CTNND2: variants seen among roughly 807,000 people sequenced by gnomAD.
CTNND2 encodes catenin delta-2.
In CTNND2, 22 loss-of-function variants were observed where a neutral mutation model predicts 144.4. The observed-to-expected ratio is 0.15, with a 90% CI of 0.11 to 0.22. CTNND2 has a LOEUF of 0.22. Among genes scored for constraint, CTNND2 ranks in the 10% least tolerant of loss-of-function variants. CTNND2 has a pLI of 1.00. For missense variants in CTNND2, 1,353 were observed against 1,618.8 expected (o/e 0.84, Z 2.82); for synonymous variants, 751 against 695.6 (o/e 1.08, Z -1.25).
At chr5:11,445,150 C>T (rs1322883929) in intron 3 of CTNND2, among the ~76,000 whole-genome samples, 1 of 152,128 alleles carries the variant, frequency 6.6e-6, no homozygotes. Context: ...ACAGGAGGAT[C>T]TTTCCTTTTC....
intron 9 of CTNND2, among the ~76,000 whole-genome samples, chr5:11,276,930 C>T (rs910007287): frequency 5.3e-5 from 8 of 152,160 alleles, no homozygotes; most frequent in South Asian, 4.1e-4. Context: ...TTTCCAAGGG[C>T]GTGGGCCTGC....
intron 11 of CTNND2, among the ~76,000 whole-genome samples, chr5:11,172,467 T>C (rs949895217): frequency 2.0e-5 from 3 of 152,190 alleles, no homozygotes; most frequent in Admixed American, 2.0e-4. Context: ...CTTCTTTGGG[T>C]CCAGAACTGT....
intron 11 of CTNND2, among the ~76,000 whole-genome samples, chr5:11,184,314 C>A (rs1735400320): frequency 6.6e-6 from 1 of 152,122 alleles, no homozygotes; most frequent in South Asian, 2.1e-4. Flanking sequence ...ATCTGGAAAC[C>A]AGATAAGAGC....
chr5:11,766,873 A>G (rs1024814904), intron 1 of CTNND2, among the ~76,000 whole-genome samples: 1 of 152,204 alleles, frequency 6.6e-6, no homozygotes, highest in African/African-American at 2.4e-5. Context: ...TTTCTAAGTC[A>G]GAAATGTTCA....
At chr5:11,630,411 G>A (rs1781356917) in intron 2 of CTNND2, among the ~76,000 whole-genome samples, 1 of 152,128 alleles carries the variant, frequency 6.6e-6, no homozygotes, top group South Asian at 2.1e-4. Context: ...CTGCAACCAG[G>A]GGTGCAGGTG....
chr5:11,787,982 A>C (rs778791631), intron 1 of CTNND2, among the ~76,000 whole-genome samples: 1 of 152,222 alleles, frequency 6.6e-6, no homozygotes, highest in Non-Finnish European at 1.5e-5. Context: ...GCTCCCTATA[A>C]GTTTACTGCT....
chr5:11,235,422 C>T (rs749164990), intron 10 of CTNND2, among the ~76,000 whole-genome samples: 16 of 152,100 alleles, frequency 1.1e-4, no homozygotes, highest in Non-Finnish European at 1.6e-4. Flanking sequence ...ACAGGAGTCA[C>T]GTAACTTTAA....
At chr5:11,750,374 G>A (rs1031021939) in intron 1 of CTNND2, among the ~76,000 whole-genome samples, 3 of 151,892 alleles carry the variant, frequency 2.0e-5, no homozygotes, top group Admixed American at 1.3e-4. Flanking sequence ...ATGTGGAAGA[G>A]GAGGTTTCAT....
rs1236215592 is a variant in CTNND2 at position 11,691,840 on chromosome 5, A to C, written c.174+40296T>G. 2.6e-5 allele frequency among the ~76,000 whole-genome samples: 4 copies of C among 152,356 alleles called. No individual in the cohort carries two copies. In the East Asian group the frequency reaches 7.7e-4, roughly 29 times the overall value. On this transcript the variant is annotated intron_variant, in intron 2 of 21. Coordinates refer to ENST00000304623, the MANE Select transcript of CTNND2 (RefSeq NM_001332.4). ...CAGGAGTTACAGGCTGCAGTAAGCT[A>C]TGATTGCACCGCTGCACTTCAGTCT...
chr5:11,328,263 T>C (rs1752736258), intron 9 of CTNND2, among the ~76,000 whole-genome samples: 2 of 152,208 alleles, frequency 1.3e-5, no homozygotes, highest in South Asian at 4.2e-4. Flanking sequence ...GAACTGCATG[T>C]TAAATTTTAA....
At chr5:11,285,436 C>A (rs258634) in intron 9 of CTNND2, among the ~76,000 whole-genome samples, 99,483 of 152,052 alleles carry the variant, frequency 0.65, 34,169 homozygotes, top group African/African-American at 0.88. Context: ...GTTCCTGAAA[C>A]AGAGCAGAAG....
At chr5:11,533,432 G>C (rs954105907) in intron 3 of CTNND2, among the ~76,000 whole-genome samples, 1 of 152,174 alleles carries the variant, frequency 6.6e-6, no homozygotes, top group Non-Finnish European at 1.5e-5. Flanking sequence ...AATGTTCCCC[G>C]GGCTGGCTTC....
At chr5:11,845,845 T>C (rs1202725160) in intron 1 of CTNND2, among the ~76,000 whole-genome samples, 1 of 152,196 alleles carries the variant, frequency 6.6e-6, no homozygotes, top group African/African-American at 2.4e-5. Flanking sequence ...AGCACTATAC[T>C]TAATGTTTGA....
intron 3 of CTNND2, among the ~76,000 whole-genome samples, chr5:11,552,000 C>T (rs77368339): frequency 0.035 from 5,258 of 152,140 alleles, 317 homozygotes; most frequent in African/African-American, 0.12. Context: ...GTGATCCTGG[C>T]CTCAAGTGAT....
intron 12 of CTNND2, among the ~76,000 whole-genome samples, chr5:11,152,141 T>C (rs147501798): frequency 1.2e-3 from 182 of 152,290 alleles, no homozygotes; most frequent in African/African-American, 4.0e-3. Flanking sequence ...AAAAGGAATA[T>C]TGTCTTCTGA....
chr5:11,658,579 C>T (rs956636211), intron 2 of CTNND2, among the ~76,000 whole-genome samples: 2 of 151,896 alleles, frequency 1.3e-5, no homozygotes, highest in Admixed American at 1.3e-4. Flanking sequence ...CGTGGAAACT[C>T]ACTAAACTGA....
chr5:11,469,949 T>C (rs1767015880), intron 3 of CTNND2, among the ~76,000 whole-genome samples: 1 of 152,164 alleles, frequency 6.6e-6, no homozygotes, highest in Non-Finnish European at 1.5e-5. Flanking sequence ...TCTGGCCTGG[T>C]CTGAGTCTTC....
chr5:11,666,696 T>C (rs1561673673), intron 2 of CTNND2, among the ~76,000 whole-genome samples: 1 of 152,210 alleles, frequency 6.6e-6, no homozygotes, highest in Non-Finnish European at 1.5e-5. Context: ...TTGAGATTTT[T>C]AACTACTCTT....
chr5:11,126,007 G>A (rs976493026), intron 12 of CTNND2, among the ~76,000 whole-genome samples: 1 of 152,150 alleles, frequency 6.6e-6, no homozygotes, highest in Non-Finnish European at 1.5e-5. Flanking sequence ...GTATCTCATG[G>A]TATAAATAGA....
Sources: allele counts gnomAD v4.1 joint callset (sites outside exome capture counted in the v4.1 genomes callset), GRCh38; gene constraint gnomAD v4.1.1; transcripts MANE v1.5; gene names NCBI Gene and HGNC (gene_info 2026-07-23, HGNC 2026-07-21).